The following R3HCC1L variants were observed in gnomAD, a reference collection of about 807,000 sequenced individuals.
R3HCC1L encodes the protein coiled-coil domain-containing protein R3HCC1L.
In R3HCC1L, 51 loss-of-function variants were observed where a neutral mutation model predicts 59.9. The observed-to-expected ratio is 0.85, with a 90% confidence interval of 0.68 to 1.07. R3HCC1L has a LOEUF of 1.07. Among genes scored for constraint, R3HCC1L ranks in the 50% least tolerant of loss-of-function variants. R3HCC1L has a pLI of 0.00. For missense variants in R3HCC1L, 965 were observed against 933.0 expected, an observed-to-expected ratio of 1.03 and a Z score of -0.45; for synonymous variants, 322 against 315.2, an observed-to-expected ratio of 1.02 and a Z score of -0.23.
rs909410099 is a variant in R3HCC1L at position 98,174,305 on chromosome 10, C to G, written c.-15+10908C>G. On this transcript the variant is annotated intron_variant, in intron 4 of 9. Coordinates refer to ENST00000298999, the MANE Select transcript of R3HCC1L (RefSeq NM_001351015.2). ...GGGCTGAGATCTCAGGGAACAAATT[C>G]TAGTGCCCGTTGCCTCCGTTTCTCA... 6 of 194,870 alleles carry G rather than the reference C, an allele frequency of 3.1e-5. No homozygotes were observed. In the Admixed American group the frequency reaches 3.9e-4, roughly 13 times the overall value. The allele number at this position is 194,870 out of a possible 1,614,324, so 12.1% of individuals were successfully genotyped here.
chr10:98,207,210 T>G (rs1369343323), intron 4 of R3HCC1L, among the ~76,000 whole-genome samples: 1 of 152,246 alleles, frequency 6.6e-6, no homozygotes, highest in Non-Finnish European at 1.5e-5. Context: ...CCTTATTCTC[T>G]TTGTCCTGGA....
At chr10:98,193,087 A>G (rs1043902173) in intron 4 of R3HCC1L, among the ~76,000 whole-genome samples, 1 of 139,820 alleles carries the variant, frequency 7.2e-6, no homozygotes, top group Non-Finnish European at 1.6e-5. Context: ...CCTTTTTATG[A>G]TAAAAACACT....
intron 5 of R3HCC1L, among the ~76,000 whole-genome samples, chr10:98,215,782 C>T (rs531624695): frequency 4.6e-5 from 7 of 152,024 alleles, no homozygotes; most frequent in East Asian, 1.9e-4. Flanking sequence ...GATTGTGATG[C>T]GTCCTAATGT....
chr10:98,227,977 A>G (rs148618631), intron 5 of R3HCC1L, among the ~76,000 whole-genome samples: 4,448 of 152,128 alleles, frequency 0.029, 96 homozygotes, highest in Non-Finnish European at 0.037. Context: ...AATCCAGTCT[A>G]TCATTATTGG....
In R3HCC1L at chr10:98,208,410, A is replaced by G; in HGVS notation, c.296A>G (p.Gln99Arg). 1 of 1,613,916 alleles carries G rather than the reference A, an allele frequency of 6.2e-7. No homozygotes were observed. The highest frequency in any genetic ancestry group is 8.5e-7 in the Non-Finnish European group (1 of 1,179,990). The part of the protein sequence containing the change: ...STKLRMDTCL[Q>R]KTNRVCSKRG... ...AAATTAAGAATGGACACATGCCTTC[A>G]AAAAACAAATAGAGTTTGTTCTAAG... Residue 99 changes from glutamine to arginine, a missense_variant, in exon 5 of 10, where the codon CAA (glutamine) becomes CGA (arginine). Coordinates refer to ENST00000298999, the MANE Select transcript of R3HCC1L (RefSeq NM_001351015.2).
intron 4 of R3HCC1L, among the ~76,000 whole-genome samples, chr10:98,197,153 TTGGCCTGGC>T (rs1263300138): frequency 6.6e-6 from 1 of 152,152 alleles, no homozygotes; most frequent in African/African-American, 2.4e-5. Flanking sequence ...TTTCACCATG[TTGGCCTGGC>T]TGGCCTTGAA....
chr10:98,240,481 T>G (rs1402918204), intron 9 of R3HCC1L, among the ~76,000 whole-genome samples: 2 of 152,244 alleles, frequency 1.3e-5, no homozygotes, highest in African/African-American at 4.8e-5. Context: ...TAATTTATTT[T>G]CATTTTATTC....
chr10:98,167,666 T>TA (rs1340155808), intron 4 of R3HCC1L, among the ~76,000 whole-genome samples: 1 of 152,248 alleles, frequency 6.6e-6, no homozygotes, highest in Non-Finnish European at 1.5e-5. Flanking sequence ...GTTTTAGTCT[T>TA]ACAGTAGTAG....
At chr10:98,203,464 G>A (rs932383638) in intron 4 of R3HCC1L, among the ~76,000 whole-genome samples, 3 of 152,162 alleles carry the variant, frequency 2.0e-5, no homozygotes, top group Non-Finnish European at 4.4e-5. Flanking sequence ...GCATTCTGAT[G>A]AACTAACAAA....
intron 4 of R3HCC1L, among the ~76,000 whole-genome samples, chr10:98,196,770 C>G (rs139086411): frequency 7.2e-5 from 11 of 152,152 alleles, no homozygotes; most frequent in Non-Finnish European, 8.8e-5. Context: ...TACATATTAG[C>G]TAGAATGATC....
intron 4 of R3HCC1L, among the ~76,000 whole-genome samples, chr10:98,185,708 A>G (rs1007555978): frequency 1.3e-5 from 2 of 152,244 alleles, no homozygotes; most frequent in African/African-American, 4.8e-5. Flanking sequence ...CAGGTTAGAA[A>G]GAAGAGTCTT....
At position 98,209,946 on chromosome 10, in the gene R3HCC1L, G is replaced by T. The variant is rs758807728; in HGVS notation, c.1785+47G>T. On this transcript the variant is annotated intron_variant, in intron 5 of 9. Coordinates refer to ENST00000298999, the MANE Select transcript of R3HCC1L (RefSeq NM_001351015.2). ...TGATGCTTAGTTAGTTTATAAATTA[G>T]GATTTCAGTGGTAATTTTGATAGAC... 2.8e-6 allele frequency: 4 copies of T among 1,443,214 alleles called. No individual in the cohort carries two copies. In the East Asian group the frequency reaches 9.1e-5, roughly 33 times the overall value. The allele number at this position is 1,443,214 out of a possible 1,614,324, so 89.4% of individuals were successfully genotyped here.
chr10:98,230,021 G>T (rs1052669646), intron 5 of R3HCC1L, among the ~76,000 whole-genome samples: 1 of 148,504 alleles, frequency 6.7e-6, no homozygotes, highest in South Asian at 2.2e-4. Context: ...ATGTTCATCA[G>T]GGATATTGGT....
Position 98,244,293 on chromosome 10 carries a change from G to A in R3HCC1L, c.*135G>A. 2 of 780,380 alleles carry A rather than the reference G, an allele frequency of 2.6e-6. No individual in the cohort carries two copies. The highest frequency in any genetic ancestry group is 4.1e-6 in the Non-Finnish European group (2 of 486,262). 48.3% of individuals were successfully genotyped at this position (780,380 alleles called of 1,614,324 possible). On this transcript the variant is annotated 3_prime_UTR_variant, in exon 10 of 10. Transcript: ENST00000298999. ...AGATAAAGTGATCGAGACAAGGACTGACTGGGTATAGAAGGAAGACAGACT... is the reference window on the plus strand; with the variant it reads ...AGATAAAGTGATCGAGACAAGGACTAACTGGGTATAGAAGGAAGACAGACT...
intron 5 of R3HCC1L, chr10:98,211,166 T>C (rs1487862049): frequency 5.3e-6 from 3 of 567,078 alleles, no homozygotes; most frequent in Non-Finnish European, 9.4e-6. Context: ...TATGTGTGTT[T>C]TTTCATAGCT....
intron 4 of R3HCC1L, among the ~76,000 whole-genome samples, chr10:98,187,554 G>C (rs1160601016): frequency 6.6e-6 from 1 of 152,000 alleles, no homozygotes; most frequent in Non-Finnish European, 1.5e-5. Context: ...GAATGAAGTA[G>C]GTTTTTTGGA....
At chr10:98,205,531 CACATCATTG>C (rs1474171577) in intron 4 of R3HCC1L, among the ~76,000 whole-genome samples, 1 of 152,162 alleles carries the variant, frequency 6.6e-6, no homozygotes, top group Non-Finnish European at 1.5e-5. Context: ...AGAAGTCGCT[CACATCATTG>C]ACATCAGTGA....
In R3HCC1L at chr10:98,141,722, T is replaced by G. The variant is rs116383497; in HGVS notation, c.-268+7016T>G. ...CCCTCAGAACACCTACCTACCCAGA[T>G]AGGCTAATTTGAGCTTCTTTGCAGC... On this transcript the variant is annotated intron_variant, in intron 1 of 9. Coordinates refer to ENST00000298999, the MANE Select transcript of R3HCC1L (RefSeq NM_001351015.2). Among the ~76,000 whole-genome samples the G allele has an allele frequency of 3.0e-3, 452 of 152,338 alleles. 4 individuals carry two copies. The highest frequency in any genetic ancestry group is 9.2e-3 in the African/African-American group (383 of 41,572).
At chr10:98,150,664 G>C (rs1011801837) in intron 1 of R3HCC1L, among the ~76,000 whole-genome samples, 1 of 152,114 alleles carries the variant, frequency 6.6e-6, no homozygotes, top group Non-Finnish European at 1.5e-5. Flanking sequence ...CCAGTAGTGT[G>C]AGAAGGCTGG....
Sources: allele counts gnomAD v4.1 joint callset (sites outside exome capture counted in the v4.1 genomes callset), GRCh38; gene constraint gnomAD v4.1.1; transcripts MANE v1.5; gene names NCBI Gene and HGNC (gene_info 2026-07-23, HGNC 2026-07-21).